The following PTPRD variants were observed in gnomAD, a reference collection of about 807,000 sequenced individuals.
PTPRD encodes receptor-type tyrosine-protein phosphatase delta.
A neutral mutation model predicts 214.5 loss-of-function variants in PTPRD; 34 were observed. The ratio of observed to expected loss-of-function variants is 0.16; its 90% CI spans 0.12 to 0.21. The LOEUF (loss-of-function observed/expected upper bound fraction) is 0.21. Ranked by LOEUF, PTPRD falls within the 10% of genes least tolerant of loss-of-function variation. The probability of loss-of-function intolerance (pLI) is 1.00; values close to 1 mark genes in which losing one functional copy is unlikely to be tolerated. For missense variants in PTPRD, 2,545 were observed against 2,398.7 expected (o/e 1.06, Z -1.27); for synonymous variants, 1,128 against 845.7 (o/e 1.33, Z -5.79).
At chr9:9,574,986 G>A (rs912591673) in intron 7 of PTPRD, among the ~76,000 whole-genome samples, 2 of 152,034 alleles carry the variant, frequency 1.3e-5, no homozygotes, top group African/African-American at 4.8e-5. Context: ...ATTGTGATTT[G>A]GGCTCTTTAA....
intron 7 of PTPRD, among the ~76,000 whole-genome samples, chr9:9,662,707 G>T (rs745841399): frequency 2.4e-4 from 36 of 151,504 alleles, no homozygotes; most frequent in Non-Finnish European, 4.9e-4. Flanking sequence ...AAAATAACTA[G>T]ACAACACATA....
At chr9:10,452,794 G>A (rs1566137646) in intron 2 of PTPRD, among the ~76,000 whole-genome samples, 2 of 151,672 alleles carry the variant, frequency 1.3e-5, no homozygotes, top group African/African-American at 4.8e-5. Context: ...TCATCTATGA[G>A]TTGTTTCCAT....
chr9:8,470,309 G>C (rs1591371289), intron 31 of PTPRD, among the ~76,000 whole-genome samples: 1 of 152,052 alleles, frequency 6.6e-6, no homozygotes, highest in East Asian at 1.9e-4. Context: ...TGTTCTTCAT[G>C]TTATGCATTA....
chr9:9,698,502 G>A (rs2097425840), intron 7 of PTPRD, among the ~76,000 whole-genome samples: 1 of 152,150 alleles, frequency 6.6e-6, no homozygotes, highest in South Asian at 2.1e-4. Flanking sequence ...AAACCCATGG[G>A]ACATGCCAAC....
chr9:10,270,758 T>C (rs2094371451), intron 3 of PTPRD, among the ~76,000 whole-genome samples: 1 of 152,236 alleles, frequency 6.6e-6, no homozygotes. Flanking sequence ...GAATATAGAC[T>C]ATTTTCTGAT....
intron 12 of PTPRD, among the ~76,000 whole-genome samples, chr9:8,689,558 C>T (rs143575046): frequency 9.5e-4 from 144 of 152,188 alleles, no homozygotes; most frequent in African/African-American, 3.3e-3. Context: ...CTGATAATAC[C>T]GTCAGATCTC....
chr9:10,479,089 G>C (rs955002609), intron 2 of PTPRD, among the ~76,000 whole-genome samples: 14 of 152,072 alleles, frequency 9.2e-5, no homozygotes, highest in Admixed American at 2.0e-4. Flanking sequence ...TCCTGGTAGT[G>C]TTTTCCATAC....
intron 11 of PTPRD, among the ~76,000 whole-genome samples, chr9:8,793,382 T>G (rs889638584): frequency 1.3e-5 from 2 of 152,184 alleles, no homozygotes; most frequent in African/African-American, 4.8e-5. Context: ...ACTTCCATCT[T>G]GGAAAAAGAT....
At chr9:10,232,452 A>C (rs966873620) in intron 3 of PTPRD, among the ~76,000 whole-genome samples, 2 of 152,016 alleles carry the variant, frequency 1.3e-5, no homozygotes, top group African/African-American at 4.8e-5. Context: ...ATACCTAAGG[A>C]AAGTCTGGCA....
chr9:10,564,171 C>CTTTATTTTTTTTTTTTTTTTTTTTT (rs2064912738), intron 2 of PTPRD, among the ~76,000 whole-genome samples: 1 of 29,408 alleles, frequency 3.4e-5, no homozygotes, highest in Non-Finnish European at 5.5e-5. Flanking sequence ...CTAGGCTATT[C>CTTTATTTTTTTTTTTTTTTTTTTTT]TTTTTTTTTT....
chr9:10,602,314 T>C (rs1426980019), intron 2 of PTPRD, among the ~76,000 whole-genome samples: 1 of 151,884 alleles, frequency 6.6e-6, no homozygotes. Flanking sequence ...GACGTTTCTC[T>C]TGTCCTTTCA....
At chr9:8,758,494 C>T (rs550653398) in intron 11 of PTPRD, among the ~76,000 whole-genome samples, 8 of 152,240 alleles carry the variant, frequency 5.3e-5, no homozygotes, top group African/African-American at 1.9e-4. Context: ...TCCAAAGCCT[C>T]ACCACATTCC....
chr9:10,061,903 A>T (rs1329042540), intron 3 of PTPRD, among the ~76,000 whole-genome samples: 1 of 152,004 alleles, frequency 6.6e-6, no homozygotes, highest in Non-Finnish European at 1.5e-5. Context: ...AACTCGCTAG[A>T]AATGCAGCAA....
At chr9:10,272,817 T>C (rs2154383947) in intron 3 of PTPRD, among the ~76,000 whole-genome samples, 1 of 152,314 alleles carries the variant, frequency 6.6e-6, no homozygotes, top group South Asian at 2.1e-4. Context: ...AATTCTAATA[T>C]ATGGTTAAGA....
intron 10 of PTPRD, among the ~76,000 whole-genome samples, chr9:9,038,910 T>C (rs1410436115): frequency 6.6e-6 from 1 of 152,130 alleles, no homozygotes; most frequent in Non-Finnish European, 1.5e-5. Flanking sequence ...AGGTTTTTTG[T>C]TGTTTGATAT....
chr9:8,421,702 C>A (rs1338604932), intron 35 of PTPRD, among the ~76,000 whole-genome samples: 1 of 152,046 alleles, frequency 6.6e-6, no homozygotes, highest in Non-Finnish European at 1.5e-5. Flanking sequence ...CCCTTAGTTT[C>A]CCTCCATCAA....
chr9:9,573,895 T>C (rs1197860801), intron 8 of PTPRD, among the ~76,000 whole-genome samples: 1 of 151,852 alleles, frequency 6.6e-6, no homozygotes, highest in African/African-American at 2.4e-5. Flanking sequence ...TCAAGATACA[T>C]TGCAATAATG....
Position 9,950,453 on chromosome 9 carries a change from G to A in PTPRD, c.-471-11843C>T, listed in dbSNP as rs1445738075. Among the ~76,000 whole-genome samples the A allele has an allele frequency of 1.2e-4, 4 of 34,652 alleles. 2 individuals are homozygous for A. In the African/African-American group the frequency reaches 3.0e-3, roughly 26 times the overall value. 22.7% of individuals were successfully genotyped at this position (34,652 alleles called of 152,430 possible). A position where few individuals can be genotyped will look rare whatever the true frequency, so the allele number is the denominator to read the frequency against. On this transcript the variant is annotated intron_variant, in intron 4 of 45. Coordinates refer to ENST00000381196, the MANE Select transcript of PTPRD (RefSeq NM_002839.4). ...TAAGAAGAAAGTGGAGGCCGGGCGCGGTGGCTCACGCCTGTAATCCCAGCA... is the reference window on the plus strand; with the variant it reads ...TAAGAAGAAAGTGGAGGCCGGGCGCAGTGGCTCACGCCTGTAATCCCAGCA...
chr9:8,554,005 G>A (rs2082922831), intron 14 of PTPRD, among the ~76,000 whole-genome samples: 1 of 152,142 alleles, frequency 6.6e-6, no homozygotes, highest in African/African-American at 2.4e-5. Flanking sequence ...TGGCCAACAT[G>A]GTGAAACCCT....
Sources: allele counts gnomAD v4.1 joint callset (sites outside exome capture counted in the v4.1 genomes callset), GRCh38; gene constraint gnomAD v4.1.1; transcripts MANE v1.5; gene names NCBI Gene and HGNC (gene_info 2026-07-23, HGNC 2026-07-21).